The following TUSC3 variants were observed in gnomAD, a reference collection of about 807,000 sequenced individuals.
TUSC3 encodes tumor suppressor candidate 3.
In TUSC3, 45 loss-of-function variants were observed where a neutral mutation model predicts 44.8. The ratio of observed to expected loss-of-function variants is 1.00; its 90% CI spans 0.79 to 1.29. TUSC3 has a LOEUF of 1.29. TUSC3 is among the 50% of genes most tolerant of loss of function. The probability of loss-of-function intolerance (pLI) is 0.00; values close to 1 mark genes in which losing one functional copy is unlikely to be tolerated. For missense variants in TUSC3, 519 were observed against 437.9 expected, an observed-to-expected ratio of 1.19 and a Z score of -1.65; for synonymous variants, 212 against 152.9, an observed-to-expected ratio of 1.39 and a Z score of -2.85.
rs1812310855 is a variant in TUSC3, at chr8:15,765,841, A to T, written c.*1685A>T. On this transcript the variant is annotated 3_prime_UTR_variant, in exon 11 of 11. Coordinates refer to ENST00000503731, the MANE Select transcript of TUSC3 (RefSeq NM_006765.4). Reference sequence around the variant, plus strand: ...ATCCATTGTAGATTTTTTACATTTTACTCAAAACTTCATACATAGAGACTC... The same window carrying T: ...ATCCATTGTAGATTTTTTACATTTTTCTCAAAACTTCATACATAGAGACTC... The T allele has an allele frequency of 6.6e-6, 1 of 152,030 alleles. No homozygotes were observed. The highest frequency in any genetic ancestry group is 1.5e-5 in the Non-Finnish European group (1 of 67,946). The allele number at this position is 152,030 out of a possible 1,614,324, so 9.4% of individuals were successfully genotyped here. A position where few individuals can be genotyped will look rare whatever the true frequency, so the allele number is the denominator to read the frequency against.
rs557642893 is a variant in TUSC3, at chr8:15,590,642, T to G, written c.139-32438T>G. Among the ~76,000 whole-genome samples the G allele has an allele frequency of 4.4e-4, 67 of 151,506 alleles. 1 individual carries two copies. Among genetic ancestry groups the G allele is most frequent in the Middle Eastern group, 3.4e-3 (1 of 294 alleles). ...AGTATTTATAAATATTTATTTTTAT[T>G]TATTTATTTATTATTATTATTGGTT... On this transcript the variant is annotated intron_variant, in intron 1 of 10. Transcript: ENST00000503731.
At chr8:15,489,181 G>T (rs1421621153) in intron 2 of TUSC3, among the ~76,000 whole-genome samples, 1 of 152,116 alleles carries the variant, frequency 6.6e-6, no homozygotes, top group Non-Finnish European at 1.5e-5. Flanking sequence ...GTCAATACCT[G>T]TAAGGTCTAC....
chr8:15,604,256 G>C (rs1337158265), intron 1 of TUSC3, among the ~76,000 whole-genome samples: 1 of 151,568 alleles, frequency 6.6e-6, no homozygotes, highest in African/African-American at 2.4e-5. Context: ...AGATAGATTT[G>C]AGAAAAACAG....
intron 2 of TUSC3, among the ~76,000 whole-genome samples, chr8:15,492,279 A>G (rs1353901010): frequency 6.6e-6 from 1 of 152,158 alleles, no homozygotes; most frequent in Non-Finnish European, 1.5e-5. Flanking sequence ...CTGTTCTTTA[A>G]AGTCTTTCCT....
chr8:15,604,429 TG>T (rs1459038313), intron 1 of TUSC3, among the ~76,000 whole-genome samples: 2 of 151,756 alleles, frequency 1.3e-5, no homozygotes, highest in Non-Finnish European at 3.0e-5. Flanking sequence ...CGTGGGTTTT[TG>T]TTTTATTATT....
At chr8:15,611,917 A>G (rs1362162191) in intron 1 of TUSC3, among the ~76,000 whole-genome samples, 1 of 152,212 alleles carries the variant, frequency 6.6e-6, no homozygotes, top group African/African-American at 2.4e-5. Flanking sequence ...TAAATGCAAA[A>G]CGATATGCAT....
At chr8:15,715,139 C>T (rs1810006801) in intron 6 of TUSC3, among the ~76,000 whole-genome samples, 1 of 151,842 alleles carries the variant, frequency 6.6e-6, no homozygotes, top group Admixed American at 6.6e-5. Context: ...TTATACAGTC[C>T]ACCCTAATCC....
the TUSC3 span, among the ~76,000 whole-genome samples, chr8:15,837,320 T>G: frequency 6.6e-6 from 1 of 152,220 alleles, no homozygotes. Context: ...AAGCATTTAT[T>G]TATTTCTCAA....
chr8:15,735,918 C>T (rs555146394), intron 7 of TUSC3, among the ~76,000 whole-genome samples: 16 of 148,020 alleles, frequency 1.1e-4, no homozygotes, highest in Admixed American at 2.0e-4. Context: ...TTAGTAGAGA[C>T]GGGGTTTCAC....
chr8:15,821,845 A>G, the TUSC3 span, among the ~76,000 whole-genome samples: 1 of 152,186 alleles, frequency 6.6e-6, no homozygotes, highest in Non-Finnish European at 1.5e-5. Flanking sequence ...TTTGTGGACT[A>G]ACACCATCAA....
chr8:15,435,523 C>G (rs1171975158), intron 1 of TUSC3, among the ~76,000 whole-genome samples: 4 of 152,020 alleles, frequency 2.6e-5, no homozygotes, highest in Non-Finnish European at 4.4e-5. Context: ...TTATATAAAA[C>G]AAAATACTAA....
At chr8:15,627,098 G>A (rs1044111060) in intron 2 of TUSC3, among the ~76,000 whole-genome samples, 3 of 152,216 alleles carry the variant, frequency 2.0e-5, no homozygotes, top group Admixed American at 6.5e-5. Flanking sequence ...CTCAGACTCA[G>A]CCAGACTTGA....
intron 1 of TUSC3, among the ~76,000 whole-genome samples, chr8:15,612,516 A>G (rs926559561): frequency 6.6e-6 from 1 of 152,180 alleles, no homozygotes; most frequent in Admixed American, 6.5e-5. Flanking sequence ...GAAAAAATGG[A>G]GTGGTGTCAT....
At chr8:15,571,142 TG>T (rs767798895) in intron 1 of TUSC3, among the ~76,000 whole-genome samples, 4 of 151,648 alleles carry the variant, frequency 2.6e-5, no homozygotes, top group Non-Finnish European at 4.4e-5. Flanking sequence ...TTAGTAGAGA[TG>T]GGGTTTCACC....
At chr8:15,598,453 A>T (rs1189111596) in intron 1 of TUSC3, among the ~76,000 whole-genome samples, 1 of 151,880 alleles carries the variant, frequency 6.6e-6, no homozygotes, top group Non-Finnish European at 1.5e-5. Flanking sequence ...TCATGAACCT[A>T]CATAGATACA....
chr8:15,537,267 T>TCCAC (rs1801537471), upstream of TUSC3, among the ~76,000 whole-genome samples: 5 of 152,272 alleles, frequency 3.3e-5, no homozygotes, highest in Middle Eastern at 3.4e-3. Flanking sequence ...CCACCAATCG[T>TCCAC]CAGTCAGAAA....
chr8:15,433,086 C>A (rs1199043634), intron 1 of TUSC3, among the ~76,000 whole-genome samples: 1 of 152,138 alleles, frequency 6.6e-6, no homozygotes. Context: ...TCCAAATAAA[C>A]AAATTTTACT....
At chr8:15,493,194 C>T (rs778164450) in intron 2 of TUSC3, among the ~76,000 whole-genome samples, 2 of 152,098 alleles carry the variant, frequency 1.3e-5, no homozygotes, top group Non-Finnish European at 2.9e-5. Context: ...AAAATTCCAC[C>T]CTGGTCTCTG....
intron 9 of TUSC3, among the ~76,000 whole-genome samples, chr8:15,751,942 A>AAGGATTTCACAATTGC: frequency 6.6e-6 from 1 of 152,306 alleles, no homozygotes; most frequent in Non-Finnish European, 1.5e-5. Flanking sequence ...CTAAGTGATA[A>AAGGATTTCACAATTGC]AGGATTTCAC....
Sources: gnomAD v4.1 joint callset for allele counts (sites outside exome capture counted in the v4.1 genomes callset) on GRCh38, gnomAD v4.1.1 for gene constraint, MANE v1.5 for transcripts, NCBI Gene and HGNC (gene_info 2026-07-23, HGNC 2026-07-21) for gene names.